The following SDK1 variants were observed in gnomAD, a reference collection of about 807,000 sequenced individuals.
The protein encoded by SDK1 is protein sidekick-1.
In SDK1, 157 loss-of-function variants were observed where a neutral mutation model predicts 245.5. That is an observed-to-expected ratio of 0.64 (90% confidence interval 0.56 to 0.73). SDK1 has a LOEUF of 0.73. SDK1 is among the 30% of genes least tolerant of loss of function. The pLI is 0.00. For synonymous variants in SDK1, 1,647 were observed against 1,278.5 expected (o/e 1.29, Z -6.15); for missense variants, 3,583 against 3,002.3 (o/e 1.19, Z -4.52).
chr7:3,849,188 T>G (rs968109970), intron 5 of SDK1, among the ~76,000 whole-genome samples: 7 of 152,148 alleles, frequency 4.6e-5, no homozygotes, highest in Non-Finnish European at 8.8e-5. Context: ...CTTGAACAAA[T>G]CCCCTGGCCT....
chr7:4,206,140 T>C, intron 36 of SDK1, 146 bp downstream of exon 36: 1 of 607,710 alleles, frequency 1.6e-6, no homozygotes. Context: ...TGGCTAGACC[T>C]GGCCTGTTAA....
chr7:3,712,993 G>A (rs1186937181), intron 4 of SDK1, among the ~76,000 whole-genome samples: 1 of 152,228 alleles, frequency 6.6e-6, no homozygotes, highest in Non-Finnish European at 1.5e-5. Flanking sequence ...GCTGATTGCT[G>A]TTGGCCACAA....
At chr7:3,449,180 G>A (rs1307943166) in intron 1 of SDK1, among the ~76,000 whole-genome samples, 1 of 152,164 alleles carries the variant, frequency 6.6e-6, no homozygotes, top group Non-Finnish European at 1.5e-5. Context: ...AAAGCTGTGT[G>A]TCACGTTTTG....
At chr7:4,229,537 A>G (rs901541100) in intron 40 of SDK1, among the ~76,000 whole-genome samples, 1 of 152,232 alleles carries the variant, frequency 6.6e-6, no homozygotes, top group African/African-American at 2.4e-5. Flanking sequence ...AGTGCTTAAA[A>G]TAAAATGTGG....
intron 5 of SDK1, among the ~76,000 whole-genome samples, chr7:3,863,084 C>T (rs1780735939): frequency 6.6e-6 from 1 of 152,178 alleles, no homozygotes; most frequent in African/African-American, 2.4e-5. Context: ...GGTGGGGACC[C>T]CTGCCTTAGA....
At chr7:4,122,430 A>C (rs1299818390) in intron 25 of SDK1, among the ~76,000 whole-genome samples, 1 of 152,140 alleles carries the variant, frequency 6.6e-6, no homozygotes, top group East Asian at 1.9e-4. Flanking sequence ...CTTTTGTCTG[A>C]AATAAGTCTC....
chr7:3,631,273 C>G (rs1782280146), intron 2 of SDK1, among the ~76,000 whole-genome samples: 1 of 152,164 alleles, frequency 6.6e-6, no homozygotes, highest in Non-Finnish European at 1.5e-5. Context: ...ATCTATTGAG[C>G]TCTCTCTGTA....
At chr7:4,151,029 G>A (rs541146243) in intron 30 of SDK1, among the ~76,000 whole-genome samples, 2 of 152,346 alleles carry the variant, frequency 1.3e-5, no homozygotes, top group Admixed American at 1.3e-4. Flanking sequence ...GCGAGGCTTG[G>A]AGGTGATAAG....
At chr7:3,628,252 A>G (rs1291067125) in intron 2 of SDK1, among the ~76,000 whole-genome samples, 1 of 152,118 alleles carries the variant, frequency 6.6e-6, no homozygotes, top group Non-Finnish European at 1.5e-5. Flanking sequence ...TAATTCCCTC[A>G]TAATGCTTAT....
At chr7:3,350,846 T>C (rs1000115468) in intron 1 of SDK1, among the ~76,000 whole-genome samples, 6 of 152,160 alleles carry the variant, frequency 3.9e-5, no homozygotes, top group Non-Finnish European at 1.5e-5. Flanking sequence ...GTTAAAATAG[T>C]TTTTTCCCCC....
At chr7:3,390,146 G>A (rs1781711416) in intron 1 of SDK1, among the ~76,000 whole-genome samples, 1 of 152,124 alleles carries the variant, frequency 6.6e-6, no homozygotes. Flanking sequence ...GATTCTTCTT[G>A]CTGCTTATAG....
chr7:3,519,749 A>G (rs1024244113), intron 1 of SDK1, among the ~76,000 whole-genome samples: 3 of 152,176 alleles, frequency 2.0e-5, no homozygotes, highest in Non-Finnish European at 4.4e-5. Flanking sequence ...AGAGGTTATC[A>G]TTAAATAAGA....
At chr7:3,735,909 C>T (rs547526747) in intron 4 of SDK1, among the ~76,000 whole-genome samples, 47 of 152,260 alleles carry the variant, frequency 3.1e-4, no homozygotes, top group Admixed American at 7.8e-4. Flanking sequence ...TCTCTCATTG[C>T]GGTTTTAATT....
At chr7:3,998,430 A>T (rs1448894916) in intron 14 of SDK1, among the ~76,000 whole-genome samples, 4 of 152,246 alleles carry the variant, frequency 2.6e-5, no homozygotes, top group African/African-American at 9.6e-5. Flanking sequence ...GATTTTTTAA[A>T]ATTATGTAGG....
intron 19 of SDK1, among the ~76,000 whole-genome samples, chr7:4,058,071 A>G (rs1419792444): frequency 6.6e-6 from 1 of 152,188 alleles, no homozygotes; most frequent in Non-Finnish European, 1.5e-5. Flanking sequence ...AAAAGAAATT[A>G]TGAAATCCCA....
intron 5 of SDK1, among the ~76,000 whole-genome samples, chr7:3,841,995 C>G (rs1047048206): frequency 5.3e-5 from 8 of 152,220 alleles, no homozygotes; most frequent in Non-Finnish European, 1.0e-4. Flanking sequence ...AGTACTGACA[C>G]CTCTCCTCCA....
At chr7:3,888,896 CTA>C (rs1299925399) in intron 5 of SDK1, among the ~76,000 whole-genome samples, 5 of 152,156 alleles carry the variant, frequency 3.3e-5, no homozygotes, top group Admixed American at 3.3e-4. Flanking sequence ...AGAAGTTAAT[CTA>C]TGTGTCTAAA....
rs904624973 is a variant in SDK1 at position 4,093,294 on chromosome 7, C to T, written c.3324+13710C>T. Reference sequence around the variant, plus strand: ...CCACTCCTGTTTGTCTGCTCAGTTACCTCTGTAAACCCCTGCCATTCGCAG... The same window carrying T: ...CCACTCCTGTTTGTCTGCTCAGTTATCTCTGTAAACCCCTGCCATTCGCAG... On this transcript the variant is annotated intron_variant, in intron 22 of 44. Coordinates refer to ENST00000404826, the MANE Select transcript of SDK1 (RefSeq NM_152744.4). Among the ~76,000 whole-genome samples, 6 of 152,064 alleles carry T rather than the reference C, an allele frequency of 3.9e-5. No individual in the cohort carries two copies. In the South Asian group the frequency reaches 1.2e-3, roughly 32 times the overall value.
chr7:3,809,506 C>T (rs530047270), intron 4 of SDK1, among the ~76,000 whole-genome samples: 12 of 152,204 alleles, frequency 7.9e-5, no homozygotes, highest in Non-Finnish European at 1.5e-4. Flanking sequence ...CTTTGTCACT[C>T]GGCAATCGAA....
Sources: allele counts gnomAD v4.1 joint callset (sites outside exome capture counted in the v4.1 genomes callset), GRCh38; gene constraint gnomAD v4.1.1; transcripts MANE v1.5; gene names NCBI Gene and HGNC (gene_info 2026-07-23, HGNC 2026-07-21).